The following NTM variants were observed in gnomAD, a reference collection of about 807,000 sequenced individuals.
NTM encodes the protein neurotrimin, also known as IgLON family member 2.
A neutral mutation model predicts 42.1 loss-of-function variants in NTM; 13 were observed. The observed-to-expected ratio is 0.31, with a 90% CI of 0.20 to 0.49. The LOEUF (loss-of-function observed/expected upper bound fraction) is 0.49. NTM is among the 20% of genes least tolerant of loss of function. The pLI is 0.99. For synonymous variants in NTM, 187 were observed against 179.2 expected (o/e 1.04, Z -0.35); for missense variants, 373 against 452.8 (o/e 0.82, Z 1.60).
At chr11:131,441,678 C>T (rs1320612178) in intron 1 of NTM, among the ~76,000 whole-genome samples, 1 of 152,156 alleles carries the variant, frequency 6.6e-6, no homozygotes, top group African/African-American at 2.4e-5. Flanking sequence ...TGCTAGTAAC[C>T]ATCCATGATC....
At chr11:132,057,136 C>T (rs1446572017) in intron 2 of NTM, among the ~76,000 whole-genome samples, 4 of 152,158 alleles carry the variant, frequency 2.6e-5, no homozygotes, top group Admixed American at 2.0e-4. Flanking sequence ...AATGTTTAGC[C>T]TCAATCGGGT....
In NTM at chr11:131,754,573, C is replaced by T. The variant is rs576811869; in HGVS notation, c.83-156991C>T. Among the ~76,000 whole-genome samples, 39 of 151,184 alleles carry T rather than the reference C, an allele frequency of 2.6e-4. 1 individual carries two copies. Among genetic ancestry groups the T allele is most frequent in the Admixed American group, 6.6e-4 (10 of 15,160 alleles). On this transcript the variant is annotated intron_variant, in intron 1 of 8. Transcript: ENST00000683400. ...CTGGAAGACAGAGGTTGCAGTGAGC[C>T]GAGATTGCACCACTGCACTCCAGCC...
intron 4 of NTM, chr11:132,306,238 T>C (rs1385699068): frequency 6.6e-6 from 1 of 152,232 alleles, no homozygotes; most frequent in Non-Finnish European, 1.5e-5. Context: ...ATGGAACACA[T>C]ACAATCATCC....
At chr11:132,278,280 AT>A (rs1345975401) in intron 4 of NTM, among the ~76,000 whole-genome samples, 1 of 152,180 alleles carries the variant, frequency 6.6e-6, no homozygotes, top group Non-Finnish European at 1.5e-5. Flanking sequence ...TGGGTCAGGG[AT>A]TTGTGTTGGA....
intron 7 of NTM, among the ~76,000 whole-genome samples, chr11:132,316,598 C>CTAAATCTCTAGGGGAGAAAAAGT (rs1274360298): frequency 2.6e-5 from 4 of 152,158 alleles, no homozygotes. Flanking sequence ...CCTTAACATG[C>CTAAATCTCTAGGGGAGAAAAAGT]TAAATCTCTA....
At chr11:131,643,051 G>GA (rs34377077) in intron 1 of NTM, among the ~76,000 whole-genome samples, 13,852 of 131,812 alleles carry the variant, frequency 0.11, 1,225 homozygotes, top group African/African-American at 0.24. Flanking sequence ...GAAAAAGAAT[G>GA]AAAAAAAAAA....
chr11:131,422,405 T>G (rs546909445), intron 1 of NTM, among the ~76,000 whole-genome samples: 8 of 152,172 alleles, frequency 5.3e-5, no homozygotes, highest in Admixed American at 1.3e-4. Context: ...TGCTTGGAAG[T>G]CAGTGTTAGA....
At chr11:131,484,265 A>C (rs183892166) in intron 1 of NTM, among the ~76,000 whole-genome samples, 366 of 152,326 alleles carry the variant, frequency 2.4e-3, no homozygotes, top group African/African-American at 8.5e-3. Context: ...TAAATTTTGT[A>C]TTAAAAAAAG....
chr11:131,543,151 C>G (rs2053505698), intron 1 of NTM, among the ~76,000 whole-genome samples: 1 of 152,168 alleles, frequency 6.6e-6, no homozygotes, highest in Non-Finnish European at 1.5e-5. Context: ...TGAAACGCTG[C>G]CATTTTCTCC....
chr11:131,823,543 TTC>T (rs796770286), intron 1 of NTM, among the ~76,000 whole-genome samples: 4 of 152,298 alleles, frequency 2.6e-5, no homozygotes, highest in African/African-American at 7.2e-5. Flanking sequence ...CTGGCTTTTG[TTC>T]TCTGTTAACT....
chr11:131,726,292 G>A (rs2078960850), intron 1 of NTM, among the ~76,000 whole-genome samples: 1 of 152,034 alleles, frequency 6.6e-6, no homozygotes, highest in African/African-American at 2.4e-5. Context: ...CCTTTTCAAG[G>A]TTTACCTCTT....
chr11:131,766,398 C>A (rs2085102514), intron 1 of NTM, among the ~76,000 whole-genome samples: 1 of 152,104 alleles, frequency 6.6e-6, no homozygotes, highest in Non-Finnish European at 1.5e-5. Context: ...AGCCCAGGTG[C>A]AGAGGGCGAT....
intron 1 of NTM, among the ~76,000 whole-genome samples, chr11:131,394,969 C>T (rs1944397254): frequency 6.6e-6 from 1 of 152,198 alleles, no homozygotes; most frequent in East Asian, 1.9e-4. Flanking sequence ...GTCAGCAACA[C>T]TTTTGGTGAG....
intron 1 of NTM, among the ~76,000 whole-genome samples, chr11:131,630,910 T>C (rs901167965): frequency 6.6e-6 from 1 of 152,242 alleles, no homozygotes; most frequent in South Asian, 2.1e-4. Context: ...CTTTGTGATA[T>C]TATTCTTGGA....
intron 8 of NTM, among the ~76,000 whole-genome samples, chr11:132,331,615 G>C (rs1482313744): frequency 2.0e-5 from 3 of 152,202 alleles, no homozygotes; most frequent in Non-Finnish European, 4.4e-5. Flanking sequence ...ACGGGCCAAT[G>C]AGATACAGAC....
intron 1 of NTM, among the ~76,000 whole-genome samples, chr11:131,501,878 A>T (rs549111428): frequency 1.5e-3 from 226 of 150,814 alleles, no homozygotes; most frequent in African/African-American, 4.9e-3. Context: ...TGTGTGTGTG[A>T]GTGTGTGTGT....
At chr11:132,076,048 C>G (rs1362051091) in intron 2 of NTM, among the ~76,000 whole-genome samples, 1 of 152,124 alleles carries the variant, frequency 6.6e-6, no homozygotes, top group Non-Finnish European at 1.5e-5. Context: ...CCATACATTT[C>G]ATGCTAAATA....
At chr11:132,322,435 C>A (rs1296786170) in intron 7 of NTM, among the ~76,000 whole-genome samples, 2 of 139,100 alleles carry the variant, frequency 1.4e-5, no homozygotes, top group South Asian at 2.6e-4. Context: ...ACAAAGAAGG[C>A]CATTACATAA....
intron 1 of NTM, among the ~76,000 whole-genome samples, chr11:131,800,007 T>G (rs1472627479): frequency 6.6e-6 from 1 of 152,176 alleles, no homozygotes; most frequent in East Asian, 1.9e-4. Context: ...TATTGGAGGA[T>G]GTGATGAGAT....
Sources: gnomAD v4.1 joint callset for allele counts (sites outside exome capture counted in the v4.1 genomes callset) on GRCh38, gnomAD v4.1.1 for gene constraint, MANE v1.5 for transcripts, NCBI Gene and HGNC (gene_info 2026-07-23, HGNC 2026-07-21) for gene names.